The following KCNA3 variants were observed in gnomAD, a reference collection of about 807,000 sequenced individuals.
KCNA3 encodes RP11-284N8.3.
Under a neutral mutation model 34.3 loss-of-function variants are expected in KCNA3, and 18 were observed. That is an observed-to-expected ratio of 0.52 (90% CI 0.36 to 0.78). The LOEUF (loss-of-function observed/expected upper bound fraction) is 0.78. Ranked by LOEUF, KCNA3 falls within the 30% of genes least tolerant of loss-of-function variation. The probability of loss-of-function intolerance (pLI) is 0.00; values close to 1 mark genes in which losing one functional copy is unlikely to be tolerated. For synonymous variants in KCNA3, 324 were observed against 351.7 expected (o/e 0.92, Z 0.88); for missense variants, 587 against 802.5 (o/e 0.73, Z 3.24).
Position 110,673,036 on chromosome 1 carries a change from C to T in KCNA3, c.*46G>A, listed in dbSNP as rs1314393099. 6.5e-7 allele frequency: 1 copy of T among 1,542,518 alleles called. No homozygotes were observed. Among genetic ancestry groups the T allele is most frequent in the Non-Finnish European group, 8.8e-7 (1 of 1,136,474 alleles). ...CAAGGGCATAGGCAGACCAAGGGGG[C>T]ACGTTCCACACAATACTGAGCACAG... is the stretch of plus-strand genomic sequence containing the variant. On this transcript the variant is annotated 3_prime_UTR_variant, in exon 1 of 1. Coordinates refer to ENST00000369769, the MANE Select transcript of KCNA3 (RefSeq NM_002232.5). The surrounding 1 kb of genome is among the most constrained non-coding windows in gnomAD (Gnocchi z 8.8).
the KCNA3 span, chr1:110,655,269 A>G: frequency 6.6e-6 from 1 of 152,198 alleles, no homozygotes; most frequent in Admixed American, 6.5e-5. Flanking sequence ...AAAAGAGAAT[A>G]TTCTTATTTG....
chr1:110,664,339 C>T, the KCNA3 span, among the ~76,000 whole-genome samples: 1 of 152,122 alleles, frequency 6.6e-6, no homozygotes, highest in Non-Finnish European at 1.5e-5. Flanking sequence ...TAGGTACCCT[C>T]AATGATATCT....
downstream of KCNA3, among the ~76,000 whole-genome samples, chr1:110,667,993 T>G (rs543009895): frequency 6.6e-6 from 1 of 152,272 alleles, no homozygotes; most frequent in East Asian, 1.9e-4. Flanking sequence ...TTTTCCTGCC[T>G]CCTTTGATGT....
rs361501 is a variant in KCNA3 at position 110,674,606 on chromosome 1, A to G, written c.204T>C (p.Asp68=). The G allele has an allele frequency of 5.9e-4, 925 of 1,564,286 alleles. No homozygotes were observed. Among genetic ancestry groups the G allele is most frequent in the Non-Finnish European group, 7.0e-4 (810 of 1,161,302 alleles). The change falls in exon 1 of 1, where the codon GAT becomes GAC. Residue 68 remains aspartate, a synonymous_variant. Transcript: ENST00000369769. The surrounding 1 kb of genome is among the most constrained non-coding windows in gnomAD (Gnocchi z 6.4). Reference sequence around the variant, plus strand: ...CGCCTTGAGGCGGGGCCCCTCCACCATCGGCCACCTCCGGCTCCAGCAGGT... The same window carrying G: ...CGCCTTGAGGCGGGGCCCCTCCACCGTCGGCCACCTCCGGCTCCAGCAGGT... ...GDHLLEPEVA[D]GGGAPPQGGC... is the part of the protein sequence containing the mutation.
Position 110,674,750 on chromosome 1 carries a change from G to C in KCNA3, c.60C>G (p.Ala20=), listed in dbSNP as rs747734112. 1.4e-6 allele frequency: 2 copies of C among 1,379,738 alleles called. No individual in the cohort carries two copies. Among genetic ancestry groups the C allele is most frequent in the East Asian group, 6.0e-5 (2 of 33,226 alleles). 85.5% of individuals were successfully genotyped at this position (1,379,738 alleles called of 1,614,324 possible). A position where few individuals can be genotyped will look rare whatever the true frequency, so the allele number is the denominator to read the frequency against. Residue 20 remains alanine, a synonymous_variant, in exon 1 of 1, where the codon GCC becomes GCG. Transcript: ENST00000369769. This position sits in a 1 kb window ranked among gnomAD's most constrained non-coding sequence, Gnocchi z 6.4. The part of the protein sequence containing the change: ...SPPPPSARHR[A]HPPQRPASSG... ...TGCTCGCTGGGCGCTGAGGAGGGTG[G>C]GCGCGGTGGCGGGCTGAGGGCGGCG...
Position 110,673,032 on chromosome 1 carries a change from G to T in KCNA3, c.*50C>A. ...AAAACAAGGGCATAGGCAGACCAAG[G>T]GGGCACGTTCCACACAATACTGAGC... On this transcript the variant is annotated 3_prime_UTR_variant, in exon 1 of 1. Coordinates refer to ENST00000369769, the MANE Select transcript of KCNA3 (RefSeq NM_002232.5). This position sits in a 1 kb window ranked among gnomAD's most constrained non-coding sequence, Gnocchi z 8.8. 1 of 1,535,498 alleles carries T rather than the reference G, an allele frequency of 6.5e-7. No homozygotes were observed. Among genetic ancestry groups the T allele is most frequent in the African/African-American group, 1.4e-5 (1 of 72,984 alleles).
the KCNA3 span, among the ~76,000 whole-genome samples, chr1:110,663,413 A>G: frequency 6.6e-6 from 1 of 152,212 alleles, no homozygotes; most frequent in African/African-American, 2.4e-5. Context: ...ACTCAGGCAC[A>G]TATGTTAGTT....
chr1:110,655,693 G>T, the KCNA3 span: 3 of 152,026 alleles, frequency 2.0e-5, no homozygotes, highest in African/African-American at 4.8e-5. Flanking sequence ...TTTAAAAACT[G>T]CCCCCTTTTC....
Position 110,674,317 on chromosome 1 carries a change from A to T in KCNA3, c.493T>A (p.Ser165Thr). 1.2e-6 allele frequency: 2 copies of T among 1,614,032 alleles called. No homozygotes were observed. The highest frequency in any genetic ancestry group is 1.7e-6 in the Non-Finnish European group (2 of 1,179,980). Residue 165 changes from serine to threonine, a missense_variant, in exon 1 of 1, where the codon TCC becomes ACC. Physicochemically the swap from Ser to Thr is moderately conservative, Grantham distance 58 (BLOSUM62 1). This residue lies in a region of KCNA3 where 341 missense variants were observed against 355.4 expected (regional missense o/e 0.96). Coordinates refer to ENST00000369769, the MANE Select transcript of KCNA3 (RefSeq NM_002232.5). This position sits in a 1 kb window ranked among gnomAD's most constrained non-coding sequence, Gnocchi z 6.4. ...ACCGGCCGGCGGATGCGGCCCCCGG[A>T]CTGATAGTAGTAGAGGATGGCGTCG... is the stretch of plus-strand genomic sequence containing the variant. ...SFDAILYYYQ[S>T]GGRIRRPVNV...
chr1:110,673,961 C>A lies in KCNA3; in HGVS notation c.849G>T (p.Gly283=), dbSNP rs1282782297. ...AGAAGCTGGAGGCTCCTGCGCGGGA[C>A]CCCGACGTGCTGTTGCCGGCTGCTT... ...SFEAAGNSTS[G]SRAGASSFSD... Residue 283 remains glycine, a synonymous_variant, in exon 1 of 1, where the codon GGG becomes GGT. Coordinates refer to ENST00000369769, the MANE Select transcript of KCNA3 (RefSeq NM_002232.5). This position sits in a 1 kb window ranked among gnomAD's most constrained non-coding sequence, Gnocchi z 8.8. The A allele has an allele frequency of 6.2e-7, 1 of 1,613,928 alleles. No individual in the cohort carries two copies.
At chr1:110,659,110 A>G in the KCNA3 span, among the ~76,000 whole-genome samples, 3 of 152,074 alleles carry the variant, frequency 2.0e-5, no homozygotes, top group African/African-American at 7.2e-5. Context: ...ATAAAGTTGC[A>G]CATAACCCAG....
At chr1:110,664,835 G>C in the KCNA3 span, among the ~76,000 whole-genome samples, 1 of 152,230 alleles carries the variant, frequency 6.6e-6, no homozygotes, top group African/African-American at 2.4e-5. Context: ...ATTTTAGATA[G>C]TGTGGCTAGG....
the KCNA3 span, among the ~76,000 whole-genome samples, chr1:110,657,923 G>A: frequency 6.6e-6 from 1 of 152,150 alleles, no homozygotes; most frequent in African/African-American, 2.4e-5. Flanking sequence ...TATTCTCCAG[G>A]CCCATATCTC....
downstream of KCNA3, among the ~76,000 whole-genome samples, chr1:110,668,756 C>T (rs1184140132): frequency 1.3e-5 from 2 of 152,090 alleles, no homozygotes; most frequent in Admixed American, 6.6e-5. Flanking sequence ...CATTTTTCCC[C>T]AGGGTGTTGA....
At chr1:110,670,290 T>C (rs908390283), downstream of KCNA3, among the ~76,000 whole-genome samples, 2 of 152,174 alleles carry the variant, frequency 1.3e-5, no homozygotes, top group Non-Finnish European at 2.9e-5. Context: ...CTTATATCCT[T>C]TAGGGAACTT....
chr1:110,660,918 C>T, the KCNA3 span, among the ~76,000 whole-genome samples: 1 of 152,072 alleles, frequency 6.6e-6, no homozygotes, highest in Non-Finnish European at 1.5e-5. Flanking sequence ...CTCTATCACC[C>T]TGGGTAGTGT....
At chr1:110,656,064 A>G in the KCNA3 span, 1 of 152,192 alleles carries the variant, frequency 6.6e-6, no homozygotes, top group Non-Finnish European at 1.5e-5. Flanking sequence ...ATTTTAAATT[A>G]TAGTAATTGC....
the KCNA3 span, among the ~76,000 whole-genome samples, chr1:110,666,066 A>G: frequency 4.2e-3 from 636 of 152,340 alleles, 9 homozygotes; most frequent in African/African-American, 0.014. Context: ...ATATAAAATT[A>G]CAGCTATGTC....
At chr1:110,668,311 T>C (rs183708314), downstream of KCNA3, among the ~76,000 whole-genome samples, 602 of 152,254 alleles carry the variant, frequency 4.0e-3, 10 homozygotes, top group African/African-American at 0.014. Flanking sequence ...ATCACTTCTA[T>C]TCACAGCTGA....
Sources: allele counts gnomAD v4.1 joint callset (sites outside exome capture counted in the v4.1 genomes callset), GRCh38; gene constraint gnomAD v4.1.1; regional missense constraint gnomAD v4.1.1; non-coding constraint Gnocchi (gnomAD v3.1); transcripts MANE v1.5; gene names NCBI Gene and HGNC (gene_info 2026-07-23, HGNC 2026-07-21).